COL24A1: variants seen among roughly 807,000 people sequenced by gnomAD.
The protein encoded by COL24A1 is collagen type XXIV alpha 1 chain.
In COL24A1, 224 loss-of-function variants were observed where a neutral mutation model predicts 253.9. That is an observed-to-expected ratio of 0.88 (90% CI 0.79 to 0.99). The LOEUF (loss-of-function observed/expected upper bound fraction) is 0.99. Ranked by LOEUF, COL24A1 falls within the 50% of genes least tolerant of loss-of-function variation. COL24A1 has a pLI of 0.00. For missense variants in COL24A1, 2,131 were observed against 2,068.5 expected (o/e 1.03, Z -0.59); for synonymous variants, 685 against 673.7 (o/e 1.02, Z -0.26).
chr1:86,031,757 G>A, intron 14 of COL24A1, 121 bp downstream of exon 14: 1 of 677,008 alleles, frequency 1.5e-6, no homozygotes, highest in South Asian at 2.9e-5. Flanking sequence ...TTTAATCAAG[G>A]TTGATAACCA....
At chr1:86,108,608 C>T (rs1423224155) in intron 5 of COL24A1, among the ~76,000 whole-genome samples, 3 of 104,420 alleles carry the variant, frequency 2.9e-5, no homozygotes, top group African/African-American at 4.0e-5. Flanking sequence ...AATGGAGAAA[C>T]CCCATCTCTA....
intron 32 of COL24A1, among the ~76,000 whole-genome samples, chr1:85,881,974 A>G (rs970410008): frequency 1.3e-5 from 2 of 152,182 alleles, no homozygotes; most frequent in African/African-American, 2.4e-5. Context: ...ATTCAGTGCT[A>G]TAAATTTCCC....
At chr1:85,843,395 G>A (rs1269642196) in intron 39 of COL24A1, among the ~76,000 whole-genome samples, 1 of 152,146 alleles carries the variant, frequency 6.6e-6, no homozygotes, top group East Asian at 1.9e-4. Context: ...TTACCTAGGT[G>A]AATAATCTAG....
At chr1:85,891,242 T>G (rs931060875) in intron 31 of COL24A1, among the ~76,000 whole-genome samples, 2 of 150,462 alleles carry the variant, frequency 1.3e-5, no homozygotes, top group African/African-American at 2.4e-5. Flanking sequence ...TTTTTTGTAT[T>G]TTTGGTAGAG....
At chr1:85,834,384 ATGGCTGG>A (rs1468500145) in intron 43 of COL24A1, among the ~76,000 whole-genome samples, 1 of 152,112 alleles carries the variant, frequency 6.6e-6, no homozygotes, top group Non-Finnish European at 1.5e-5. Context: ...AGACATCTGA[ATGGCTGG>A]TGATACTATT....
At chr1:86,139,197 A>G (rs1650726180) in intron 2 of COL24A1, among the ~76,000 whole-genome samples, 1 of 150,890 alleles carries the variant, frequency 6.6e-6, no homozygotes, top group Non-Finnish European at 1.5e-5. Flanking sequence ...GAGAGGGAGG[A>G]GAGAGAAGTA....
chr1:85,925,026 T>C lies in COL24A1; in HGVS notation c.2563-13593A>G, dbSNP rs568087985. On this transcript the variant is annotated intron_variant, in intron 24 of 59. Transcript: ENST00000370571. ...TATCACAAGCATTCCTATACACCAATAACAGACAAACAGAGAGCCAAATCA... is the reference window on the plus strand; with the variant it reads ...TATCACAAGCATTCCTATACACCAACAACAGACAAACAGAGAGCCAAATCA... Among the ~76,000 whole-genome samples the C allele has an allele frequency of 7.5e-3, 1,137 of 152,084 alleles. 18 individuals are homozygous for C. Among genetic ancestry groups the C allele is most frequent in the African/African-American group, 0.026 (1,091 of 41,444 alleles).
rs549827840 is a variant in COL24A1, at chr1:85,889,716, C to A, written c.2923-103G>T. 575 of 899,160 alleles carry A rather than the reference C, an allele frequency of 6.4e-4. 10 individuals are homozygous for A. In the South Asian group the frequency reaches 8.3e-3, roughly 13 times the overall value. The allele number at this position is 899,160 out of a possible 1,614,324, so 55.7% of individuals were successfully genotyped here. Reference sequence around the variant, plus strand: ...CTATGGATCCTTCCACCCAACTTTTCTGTCTATTGCTATTCTTTTTTTTTT... The same window carrying A: ...CTATGGATCCTTCCACCCAACTTTTATGTCTATTGCTATTCTTTTTTTTTT... On this transcript the variant is annotated intron_variant, in intron 31 of 59. Transcript: ENST00000370571.
intron 24 of COL24A1, among the ~76,000 whole-genome samples, chr1:85,926,609 T>C (rs890564744): frequency 5.9e-5 from 9 of 151,932 alleles, no homozygotes; most frequent in East Asian, 3.9e-4. Context: ...TAGGTGGGAA[T>C]TGAACAATGA....
rs556761254 is a variant in COL24A1, at chr1:86,084,057, G to A, written c.1707+5117C>T. Among the ~76,000 whole-genome samples the A allele has an allele frequency of 3.3e-5, 5 of 152,172 alleles. No individual in the cohort carries two copies. In the South Asian group the frequency reaches 8.3e-4, roughly 25 times the overall value. ...GTTTGTCAAATATTACAGGACTCAT[G>A]TCACCAATGCATTGAGGAATACAAC... On this transcript the variant is annotated intron_variant, in intron 7 of 59. Coordinates refer to ENST00000370571, the MANE Select transcript of COL24A1 (RefSeq NM_152890.7).
intron 19 of COL24A1, among the ~76,000 whole-genome samples, chr1:85,998,385 GAATCAGCAC>G (rs1695065463): frequency 6.6e-6 from 1 of 152,158 alleles, no homozygotes; most frequent in Non-Finnish European, 1.5e-5. Context: ...ACCTTAGTCA[GAATCAGCAC>G]TGATTATTTT....
chr1:86,088,481 A>G (rs188285791), intron 7 of COL24A1, among the ~76,000 whole-genome samples: 3 of 152,290 alleles, frequency 2.0e-5, no homozygotes, highest in Admixed American at 6.5e-5. Context: ...AAACAAGCTG[A>G]CCAGGTAGAA....
intron 7 of COL24A1, among the ~76,000 whole-genome samples, chr1:86,076,625 A>G (rs1236921088): frequency 6.6e-6 from 1 of 152,210 alleles, no homozygotes; most frequent in Non-Finnish European, 1.5e-5. Flanking sequence ...GCATCACGCT[A>G]CCTGACTTCA....
chr1:85,839,028 T>A (rs1389595406), intron 42 of COL24A1, among the ~76,000 whole-genome samples: 3 of 151,948 alleles, frequency 2.0e-5, no homozygotes, highest in African/African-American at 7.2e-5. Flanking sequence ...CGTGAGACCC[T>A]GTCTCTACAA....
intron 37 of COL24A1, among the ~76,000 whole-genome samples, chr1:85,854,638 T>C (rs1248782657): frequency 6.6e-6 from 1 of 152,140 alleles, no homozygotes; most frequent in African/African-American, 2.4e-5. Flanking sequence ...GCCTCTGATT[T>C]CTTTCAGCAG....
Position 85,823,643 on chromosome 1 carries a change from A to T in COL24A1, c.3735+42T>A. On this transcript the variant is annotated intron_variant, in intron 44 of 59. Coordinates refer to ENST00000370571, the MANE Select transcript of COL24A1 (RefSeq NM_152890.7). ...ATATGAAGCAGAGACCAAATAAGTTATATTAATGTTAATTTTTAGAAATAA... is the reference window on the plus strand; with the variant it reads ...ATATGAAGCAGAGACCAAATAAGTTTTATTAATGTTAATTTTTAGAAATAA... 3.1e-6 allele frequency: 5 copies of T among 1,613,032 alleles called. No homozygotes were observed. The Middle Eastern group carries it at 5.0e-4, about 160-fold the overall frequency.
intron 22 of COL24A1, 108 bp from the exon 23 acceptor site, chr1:85,965,170 C>T: frequency 2.5e-6 from 2 of 802,586 alleles, no homozygotes; most frequent in South Asian, 4.0e-5. Flanking sequence ...AATTTAAATA[C>T]TTTAAAATTA....
At chr1:85,829,801 G>A (rs1484539946) in intron 43 of COL24A1, among the ~76,000 whole-genome samples, 3 of 147,570 alleles carry the variant, frequency 2.0e-5, no homozygotes, top group Non-Finnish European at 1.5e-5. Flanking sequence ...TCTCTGTATT[G>A]GTTATTCTAG....
intron 35 of COL24A1, among the ~76,000 whole-genome samples, chr1:85,869,474 G>A (rs1215925606): frequency 2.6e-5 from 4 of 152,168 alleles, no homozygotes; most frequent in Non-Finnish European, 5.9e-5. Flanking sequence ...ACAAAGGAAA[G>A]CCCATCAGAC....
Sources: allele counts gnomAD v4.1 joint callset (sites outside exome capture counted in the v4.1 genomes callset), GRCh38; gene constraint gnomAD v4.1.1; transcripts MANE v1.5; gene names NCBI Gene and HGNC (gene_info 2026-07-23, HGNC 2026-07-21).